HEPACAM2: variants seen among roughly 807,000 people sequenced by gnomAD.
HEPACAM2 encodes HEPACAM family member 2, also known as mitotic kinetics regulator.
HEPACAM2 carries 49 observed loss-of-function variants against 49.6 expected under a neutral mutation model. The ratio of observed to expected loss-of-function variants is 0.99; its 90% CI spans 0.78 to 1.25. The LOEUF (loss-of-function observed/expected upper bound fraction) is 1.25, where lower values mean the gene tolerates loss of function less well. HEPACAM2 is among the 50% of genes most tolerant of loss of function. The probability of loss-of-function intolerance (pLI) is 0.00; values close to 1 mark genes in which losing one functional copy is unlikely to be tolerated. For synonymous variants in HEPACAM2, 197 were observed against 202.9 expected (o/e 0.97, Z 0.25); for missense variants, 525 against 557.2 (o/e 0.94, Z 0.58).
chr7:93,193,830 T>C lies in HEPACAM2; in HGVS notation c.1276-1467A>G, dbSNP rs558017236. Among the ~76,000 whole-genome samples the C allele has an allele frequency of 1.7e-4, 26 of 152,282 alleles. 1 individual carries two copies. The highest frequency in any genetic ancestry group is 1.2e-3 in the Admixed American group (19 of 15,288). On this transcript the variant is annotated intron_variant, in intron 8 of 9. Transcript: ENST00000394468. ...GAGATCTTGGTTTTATTATCACCTTTCCTTCTTTTCTAAAGGCCATTGCAT... is the reference window on the plus strand; with the variant it reads ...GAGATCTTGGTTTTATTATCACCTTCCCTTCTTTTCTAAAGGCCATTGCAT...
chr7:93,215,751 G>T (rs893281036), intron 2 of HEPACAM2, 66 bp from the exon 3 acceptor site: 1 of 1,492,100 alleles, frequency 6.7e-7, no homozygotes, highest in Non-Finnish European at 9.1e-7. Context: ...ACCCTATGAG[G>T]TCTTTCAAAT....
At chr7:93,191,709 T>G (rs1304466611) in intron 9 of HEPACAM2, among the ~76,000 whole-genome samples, 1 of 152,132 alleles carries the variant, frequency 6.6e-6, no homozygotes, top group Non-Finnish European at 1.5e-5. Context: ...AGCTTTGTCC[T>G]CAGTACAGGT....
chr7:93,218,942 G>A (rs73218067), intron 2 of HEPACAM2, among the ~76,000 whole-genome samples, 159 bp downstream of exon 2: 3,785 of 152,258 alleles, frequency 0.025, 78 homozygotes, highest in Non-Finnish European at 0.038. Context: ...TTGTGAGGTA[G>A]ATAATGTCAT....
At chr7:93,207,136 A>T (rs1794048570) in intron 4 of HEPACAM2, among the ~76,000 whole-genome samples, 1 of 152,140 alleles carries the variant, frequency 6.6e-6, no homozygotes, top group African/African-American at 2.4e-5. Flanking sequence ...CCTAAGGATT[A>T]CAAGAAATTA....
At chr7:93,198,202 C>A (rs1562822538) in intron 4 of HEPACAM2, among the ~76,000 whole-genome samples, 1 of 152,072 alleles carries the variant, frequency 6.6e-6, no homozygotes, top group Non-Finnish European at 1.5e-5. Flanking sequence ...TAAAGTCCCA[C>A]CTTTTGACTA....
intron 3 of HEPACAM2, among the ~76,000 whole-genome samples, chr7:93,215,064 T>C (rs1357424754): frequency 6.6e-6 from 1 of 152,182 alleles, no homozygotes; most frequent in African/African-American, 2.4e-5. Context: ...AGATATTCTT[T>C]CAGTTTTTTT....
chr7:93,229,007 G>T (rs895851872), upstream of HEPACAM2, among the ~76,000 whole-genome samples: 1 of 152,168 alleles, frequency 6.6e-6, no homozygotes, highest in African/African-American at 2.4e-5. Flanking sequence ...GTAAATGTCT[G>T]CTGCATGCAT....
chr7:93,226,453 A>T lies in HEPACAM2; in HGVS notation c.-7T>A, dbSNP rs1197170073. ...TGAAAGCATCCTGTCCCATGCATGC[A>T]GTGCCCTGTTCTCAGTGGTAACTTG... On this transcript the variant is annotated 5_prime_UTR_variant, in exon 1 of 10. Transcript: ENST00000394468. 6.2e-7 allele frequency: 1 copy of T among 1,611,756 alleles called. No individual in the cohort carries two copies. The highest frequency in any genetic ancestry group is 8.5e-7 in the Non-Finnish European group (1 of 1,178,092).
chr7:93,225,928 G>T, intron 1 of HEPACAM2: 2 of 1,425,266 alleles, frequency 1.4e-6, no homozygotes, highest in Non-Finnish European at 1.9e-6. Context: ...TTAAAACGAA[G>T]CAGTAAACAG....
chr7:93,203,909 A>G (rs1793959948), intron 4 of HEPACAM2, among the ~76,000 whole-genome samples: 1 of 152,094 alleles, frequency 6.6e-6, no homozygotes, highest in Non-Finnish European at 1.5e-5. Context: ...TCATAGGCCC[A>G]CTGACAGACA....
chr7:93,215,051 T>C (rs1794267289), intron 3 of HEPACAM2, among the ~76,000 whole-genome samples: 1 of 152,196 alleles, frequency 6.6e-6, no homozygotes, highest in Admixed American at 6.5e-5. Flanking sequence ...AAAAAAGTTC[T>C]CAAGATATTC....
chr7:93,198,863 C>A (rs932635098), intron 4 of HEPACAM2, among the ~76,000 whole-genome samples: 4 of 152,028 alleles, frequency 2.6e-5, no homozygotes, highest in South Asian at 2.1e-4. Context: ...AGGGAGGAAG[C>A]CTTAATCTTT....
intron 4 of HEPACAM2, 118 bp downstream of exon 4, chr7:93,208,462 G>T: frequency 1.2e-6 from 1 of 856,798 alleles, no homozygotes; most frequent in Non-Finnish European, 1.7e-6. Flanking sequence ...GAGATTTTTA[G>T]AATATATGAA....
At chr7:93,231,798 A>G in the HEPACAM2 span, among the ~76,000 whole-genome samples, 1 of 152,304 alleles carries the variant, frequency 6.6e-6, no homozygotes, top group African/African-American at 2.4e-5. Context: ...CTTCGATTTT[A>G]GAGCTTTTGC....
At chr7:93,224,898 A>C (rs200180372) in intron 1 of HEPACAM2, among the ~76,000 whole-genome samples, 1 of 152,196 alleles carries the variant, frequency 6.6e-6, no homozygotes, top group South Asian at 2.1e-4. Context: ...AAAATTTTTT[A>C]AAAAGAAGAA....
At chr7:93,197,046 G>A in intron 7 of HEPACAM2, among the ~76,000 whole-genome samples, 195 bp downstream of exon 7, 1 of 151,972 alleles carries the variant, frequency 6.6e-6, no homozygotes, top group South Asian at 2.1e-4. Context: ...TGATATTACA[G>A]ACTTGTGTGA....
intron 8 of HEPACAM2, among the ~76,000 whole-genome samples, chr7:93,194,458 T>C (rs1015827623): frequency 6.6e-6 from 1 of 152,114 alleles, no homozygotes; most frequent in Non-Finnish European, 1.5e-5. Context: ...TGTTTTTGTC[T>C]TTTGGTTGTG....
At position 93,222,181 on chromosome 7, in the gene HEPACAM2, G is replaced by T. The variant is rs747457216; in HGVS notation, c.80-2730C>A. ...GGTTTAGTAAGACATTGGGCCTTTGGATGGGAGATCAGCACAGGAAAAGAT... is the reference window on the plus strand; with the variant it reads ...GGTTTAGTAAGACATTGGGCCTTTGTATGGGAGATCAGCACAGGAAAAGAT... On this transcript the variant is annotated intron_variant, in intron 1 of 9. Coordinates refer to ENST00000394468, the MANE Select transcript of HEPACAM2 (RefSeq NM_001039372.4). Among the ~76,000 whole-genome samples, 143 of 152,262 alleles carry T rather than the reference G, an allele frequency of 9.4e-4. 1 individual carries two copies. The highest frequency in any genetic ancestry group is 1.5e-3 in the Non-Finnish European group (102 of 68,016).
intron 1 of HEPACAM2, among the ~76,000 whole-genome samples, chr7:93,221,932 C>A (rs1480144511): frequency 2.0e-5 from 3 of 152,080 alleles, no homozygotes; most frequent in Non-Finnish European, 4.4e-5. Context: ...ACTATTAAAT[C>A]TGGAATTTTT....
Sources: allele counts gnomAD v4.1 joint callset (sites outside exome capture counted in the v4.1 genomes callset), GRCh38; gene constraint gnomAD v4.1.1; transcripts MANE v1.5; gene names NCBI Gene and HGNC (gene_info 2026-07-23, HGNC 2026-07-21).